The following GRK3 variants were observed in gnomAD, a reference collection of about 807,000 sequenced individuals.
GRK3 encodes G protein-coupled receptor kinase 3.
Under a neutral mutation model 95.7 loss-of-function variants are expected in GRK3, and 54 were observed. The ratio of observed to expected loss-of-function variants is 0.56; its 90% confidence interval spans 0.45 to 0.71. The LOEUF (loss-of-function observed/expected upper bound fraction) is 0.71. Ranked by LOEUF, GRK3 falls within the 30% of genes least tolerant of loss-of-function variation. GRK3 has a pLI of 0.00. For synonymous variants in GRK3, 281 were observed against 290.8 expected (o/e 0.97, Z 0.34); for missense variants, 649 against 851.2 (o/e 0.76, Z 2.96).
chr22:25,651,160 C>T (rs1057071670), intron 3 of GRK3, among the ~76,000 whole-genome samples: 3 of 152,062 alleles, frequency 2.0e-5, no homozygotes, highest in African/African-American at 7.2e-5. Context: ...TAAAAAATTT[C>T]AAAATACAAA....
At position 25,646,977 on chromosome 22, in the gene GRK3, T is replaced by C. The variant is rs146731079; in HGVS notation, c.264+2312T>C. Among the ~76,000 whole-genome samples, 1,019 of 139,528 alleles carry C rather than the reference T, an allele frequency of 7.3e-3. 14 individuals carry two copies. The highest frequency in any genetic ancestry group is 0.027 in the African/African-American group (963 of 35,284). The allele number at this position is 139,528 out of a possible 152,430, so 91.5% of individuals were successfully genotyped here. On this transcript the variant is annotated intron_variant, in intron 3 of 20. Transcript: ENST00000324198. ...CAGAAGTTGCAGTGAGCTGATATCT[T>C]GCCATTGCACTCTAGCCTGGGTGAC...
At chr22:25,567,697 T>G (rs927414003) in intron 1 of GRK3, among the ~76,000 whole-genome samples, 3 of 152,268 alleles carry the variant, frequency 2.0e-5, no homozygotes, top group Admixed American at 2.0e-4. Flanking sequence ...AGCATACATT[T>G]TAATTTGCCT....
intron 1 of GRK3, among the ~76,000 whole-genome samples, chr22:25,573,848 G>C (rs985456712): frequency 1.3e-5 from 2 of 152,240 alleles, no homozygotes; most frequent in African/African-American, 4.8e-5. Flanking sequence ...GCAGTGAGCT[G>C]AGATCGTGCT....
chr22:25,665,414 G>C (rs1220218312), intron 5 of GRK3, among the ~76,000 whole-genome samples: 1 of 151,884 alleles, frequency 6.6e-6, no homozygotes, highest in East Asian at 1.9e-4. Flanking sequence ...TCTGATTTTA[G>C]CTTCCACTAT....
intron 2 of GRK3, among the ~76,000 whole-genome samples, chr22:25,615,232 T>C (rs2084529427): frequency 6.6e-6 from 1 of 152,174 alleles, no homozygotes; most frequent in Non-Finnish European, 1.5e-5. Context: ...AATTATATGC[T>C]CTGTCAATAT....
In GRK3 at chr22:25,687,751, C is replaced by T. The variant is rs1357142789; in HGVS notation, c.957+84C>T. The stretch of plus-strand genomic sequence containing the variant: ...AAGTCCCCTTCTATTTCATAGAGTC[C>T]TGTCATTTTCCTCATAGCCCTCATC... On this transcript the variant is annotated intron_variant, in intron 11 of 20. Coordinates refer to ENST00000324198, the MANE Select transcript of GRK3 (RefSeq NM_005160.4). 5 of 1,489,440 alleles carry T rather than the reference C, an allele frequency of 3.4e-6. No individual in the cohort carries two copies. In the Admixed American group the frequency reaches 9.0e-5, roughly 27 times the overall value. 92.3% of individuals were successfully genotyped at this position (1,489,440 alleles called of 1,614,324 possible).
chr22:25,690,903 G>C (rs1039672345), intron 12 of GRK3, among the ~76,000 whole-genome samples: 7 of 152,070 alleles, frequency 4.6e-5, no homozygotes, highest in African/African-American at 1.7e-4. Flanking sequence ...TCCTCTACGT[G>C]ATCACCCAGA....
intron 15 of GRK3, among the ~76,000 whole-genome samples, chr22:25,705,813 T>C (rs1459465055): frequency 6.6e-6 from 1 of 152,168 alleles, no homozygotes; most frequent in Non-Finnish European, 1.5e-5. Context: ...CCTCCTGCTA[T>C]ATTTAGGCTA....
chr22:25,648,792 CT>C, intron 3 of GRK3: 1 of 1,196,880 alleles, frequency 8.4e-7, no homozygotes, highest in Non-Finnish European at 1.2e-6. Context: ...TCACCGAGAT[CT>C]CTGGGCTGCT....
intron 2 of GRK3, among the ~76,000 whole-genome samples, chr22:25,637,877 G>T (rs1168641444): frequency 1.3e-5 from 2 of 152,198 alleles, no homozygotes; most frequent in Non-Finnish European, 2.9e-5. Context: ...GAAGTCTGGA[G>T]GCAGTCTGCT....
At chr22:25,581,581 G>A (rs1472604468) in intron 1 of GRK3, among the ~76,000 whole-genome samples, 1 of 151,968 alleles carries the variant, frequency 6.6e-6, no homozygotes, top group Non-Finnish European at 1.5e-5. Flanking sequence ...TAAGAGTCCC[G>A]ACTAATCCAA....
At chr22:25,701,667 C>T (rs1337373032) in intron 13 of GRK3, among the ~76,000 whole-genome samples, 1 of 152,150 alleles carries the variant, frequency 6.6e-6, no homozygotes, top group African/African-American at 2.4e-5. Flanking sequence ...GCAAGTACAT[C>T]GGGACCAGAT....
chr22:25,599,980 C>A (rs1026997610), intron 1 of GRK3, among the ~76,000 whole-genome samples: 1 of 152,050 alleles, frequency 6.6e-6, no homozygotes, highest in African/African-American at 2.4e-5. Context: ...ACATATTTAC[C>A]ATATGATCTA....
At chr22:25,580,217 C>G in intron 1 of GRK3, 1 of 152,290 alleles carries the variant, frequency 6.6e-6, no homozygotes, top group East Asian at 1.9e-4. Context: ...GGGGTCACTG[C>G]AGATAAAGGT....
intron 2 of GRK3, among the ~76,000 whole-genome samples, chr22:25,626,581 TA>T (rs1230014633): frequency 4.6e-5 from 7 of 152,172 alleles, no homozygotes; most frequent in Admixed American, 4.6e-4. Context: ...CAGATGACTT[TA>T]AAAAAATACC....
rs764717492 is a variant in GRK3, at chr22:25,687,577, C to T, written c.867C>T (p.Phe289=). Residue 289 remains phenylalanine, a synonymous_variant, in exon 11 of 21, where the codon TTC becomes TTT. Transcript: ENST00000324198. ...LHYHLSQHGV[F]SEKEMRFYAT... is the part of the protein sequence containing the mutation. Reference sequence around the variant, plus strand: ...ACCACCTTTCACAACACGGTGTGTTCTCTGAGAAGGAGATGCGGTTTTATG... The same window carrying T: ...ACCACCTTTCACAACACGGTGTGTTTTCTGAGAAGGAGATGCGGTTTTATG... 5 of 1,614,122 alleles carry T rather than the reference C, an allele frequency of 3.1e-6. No homozygotes were observed. Among genetic ancestry groups the T allele is most frequent in the Non-Finnish European group, 4.2e-6 (5 of 1,179,980 alleles).
intron 1 of GRK3, chr22:25,580,327 T>C (rs1333938686): frequency 2.0e-5 from 3 of 150,670 alleles, no homozygotes; most frequent in East Asian, 2.0e-4. Context: ...CTTGGTTAGA[T>C]CCAGATTGAA....
At chr22:25,670,664 G>A (rs982043983) in intron 6 of GRK3, among the ~76,000 whole-genome samples, 3 of 152,004 alleles carry the variant, frequency 2.0e-5, no homozygotes, top group Middle Eastern at 6.8e-3. Context: ...GTCTGTGTAA[G>A]GAATCATGCC....
chr22:25,583,778 A>G (rs1270017668), intron 1 of GRK3, among the ~76,000 whole-genome samples: 2 of 152,310 alleles, frequency 1.3e-5, no homozygotes, highest in East Asian at 3.9e-4. Flanking sequence ...CTAATATACC[A>G]AGTATTTGAC....
Sources: gnomAD v4.1 joint callset for allele counts (sites outside exome capture counted in the v4.1 genomes callset) on GRCh38, gnomAD v4.1.1 for gene constraint, MANE v1.5 for transcripts, NCBI Gene and HGNC (gene_info 2026-07-23, HGNC 2026-07-21) for gene names.